Variants in MS4A13 observed in about 807,000 individuals in gnomAD.
The protein encoded by MS4A13 is membrane spanning 4-domains A13.
In MS4A13, 21 loss-of-function variants were observed where a neutral mutation model predicts 18.4. That is an observed-to-expected ratio of 1.14 (90% confidence interval 0.81 to 1.64). The LOEUF is 1.64. Ranked by LOEUF, MS4A13 falls within the 40% of genes most tolerant of loss-of-function variation. MS4A13 has a pLI of 0.00. For synonymous variants in MS4A13, 62 were observed against 57.2 expected (o/e 1.08, Z -0.38); for missense variants, 173 against 176.8 (o/e 0.98, Z 0.12).
chr11:60,538,260 C>A (rs1590881645), intron 6 of MS4A13, among the ~76,000 whole-genome samples: 1 of 150,108 alleles, frequency 6.7e-6, no homozygotes, highest in East Asian at 1.9e-4. Context: ...AGGCTGGGGG[C>A]CGATGGGGCA....
intron 3 of MS4A13, among the ~76,000 whole-genome samples, chr11:60,521,974 T>G (rs2086676805): frequency 6.6e-6 from 1 of 152,132 alleles, no homozygotes. Flanking sequence ...CTTACATGAA[T>G]GGCAGCAGGC....
intron 6 of MS4A13, among the ~76,000 whole-genome samples, chr11:60,542,224 A>ACTGG (rs2086865240): frequency 9.9e-6 from 1 of 101,074 alleles, no homozygotes; most frequent in Non-Finnish European, 2.4e-5. Context: ...GGAAAGAAAG[A>ACTGG]AAGGAAGGAA....
At chr11:60,532,863 C>T (rs1031594698) in intron 6 of MS4A13, among the ~76,000 whole-genome samples, 1 of 69,198 alleles carries the variant, frequency 1.4e-5, no homozygotes. Context: ...GGTCCCTGAC[C>T]CCTGACCCCC....
chr11:60,539,790 A>T (rs2086841736), intron 6 of MS4A13, among the ~76,000 whole-genome samples: 1 of 152,214 alleles, frequency 6.6e-6, no homozygotes, highest in Admixed American at 6.5e-5. Flanking sequence ...TGGAGGCCTG[A>T]AGGTAGTGGA....
intron 3 of MS4A13, among the ~76,000 whole-genome samples, chr11:60,520,654 C>T (rs2086667936): frequency 2.0e-5 from 3 of 152,240 alleles, no homozygotes; most frequent in Admixed American, 2.0e-4. Context: ...GGCTGCTCTA[C>T]CCCTGTGGCT....
chr11:60,524,673 T>C (rs1238855109), intron 4 of MS4A13, among the ~76,000 whole-genome samples: 1 of 150,568 alleles, frequency 6.6e-6, no homozygotes, highest in Non-Finnish European at 1.5e-5. Flanking sequence ...TTTTTTTTTT[T>C]TTTTTTTGAG....
chr11:60,522,211 G>C (rs1172265205), intron 3 of MS4A13, among the ~76,000 whole-genome samples: 1 of 40,268 alleles, frequency 2.5e-5, no homozygotes, highest in African/African-American at 5.4e-5. Flanking sequence ...TAGATAGATA[G>C]ATAGATAGAT....
At chr11:60,526,496 TATCTG>T (rs777158946) in intron 5 of MS4A13, among the ~76,000 whole-genome samples, 12 of 152,210 alleles carry the variant, frequency 7.9e-5, no homozygotes, top group Non-Finnish European at 1.6e-4. Flanking sequence ...AGTCTGTATT[TATCTG>T]ATCTGAACTC....
At chr11:60,541,936 T>C (rs2086861777) in intron 6 of MS4A13, among the ~76,000 whole-genome samples, 5 of 151,792 alleles carry the variant, frequency 3.3e-5, no homozygotes, top group African/African-American at 9.7e-5. Context: ...CCGTCTCTAC[T>C]AAAAATACAA....
chr11:60,522,578 A>G (rs2086685154), intron 3 of MS4A13, among the ~76,000 whole-genome samples: 1 of 152,196 alleles, frequency 6.6e-6, no homozygotes, highest in African/African-American at 2.4e-5. Context: ...TCACTAGAAG[A>G]AACAATGATC....
At chr11:60,540,762 C>T (rs572745936) in intron 6 of MS4A13, among the ~76,000 whole-genome samples, 31 of 152,128 alleles carry the variant, frequency 2.0e-4, no homozygotes, top group African/African-American at 7.0e-4. Context: ...GCCTGGGCAA[C>T]ATGACGAGAC....
At chr11:60,519,134 A>G (rs1361369633) in intron 3 of MS4A13, among the ~76,000 whole-genome samples, 1 of 152,198 alleles carries the variant, frequency 6.6e-6, no homozygotes, top group African/African-American at 2.4e-5. Flanking sequence ...GAGCATAGAA[A>G]GTTTATCTAG....
chr11:60,542,928 CA>C (rs955760734), downstream of MS4A13, among the ~76,000 whole-genome samples: 1 of 152,084 alleles, frequency 6.6e-6, no homozygotes, highest in Non-Finnish European at 1.5e-5. Flanking sequence ...GTATAATTCA[CA>C]GGAAAACTTT....
At chr11:60,530,993 A>G (rs1430882747) in intron 6 of MS4A13, among the ~76,000 whole-genome samples, 2 of 152,180 alleles carry the variant, frequency 1.3e-5, no homozygotes, top group Non-Finnish European at 2.9e-5. Flanking sequence ...CTGTAAGTCA[A>G]TTAAACCTCT....
Position 60,523,938 on chromosome 11 carries a change from T to C in MS4A13, c.171T>C (p.Tyr57=). 1.3e-6 allele frequency: 2 copies of C among 1,544,582 alleles called. No individual in the cohort carries two copies. Among genetic ancestry groups the C allele is most frequent in the African/African-American group, 1.3e-5 (1 of 74,096 alleles). The change falls in exon 4 of 7, where the codon TAT becomes TAC. Residue 57 remains tyrosine, a synonymous_variant. Coordinates refer to ENST00000378186, the MANE Select transcript of MS4A13 (RefSeq NM_001012417.3). Reference sequence around the variant, plus strand: ...TCTTCCTAATAAGAGTAACAAAGTATCCGACTCGATCTGGAGTAAGTTGAA... The same window carrying C: ...TCTTCCTAATAAGAGTAACAAAGTACCCGACTCGATCTGGAGTAAGTTGAA... ...AGVFLIRVTK[Y]PTRSGIISTL...
At chr11:60,524,011 A>T in intron 4 of MS4A13, 58 bp downstream of exon 4, 1 of 1,047,704 alleles carries the variant, frequency 9.5e-7, no homozygotes, top group South Asian at 1.4e-5. Flanking sequence ...CTAAATATTA[A>T]GTTTTAATGA....
intron 3 of MS4A13, among the ~76,000 whole-genome samples, chr11:60,523,147 G>T (rs761068928): frequency 5.3e-5 from 8 of 152,160 alleles, no homozygotes; most frequent in Non-Finnish European, 1.0e-4. Flanking sequence ...TGAACAAATA[G>T]ATTTAAAATT....
intron 6 of MS4A13, among the ~76,000 whole-genome samples, chr11:60,535,519 G>A (rs1322592555): frequency 7.6e-6 from 1 of 130,836 alleles, no homozygotes; most frequent in Non-Finnish European, 1.6e-5. Flanking sequence ...CTCTGAAATT[G>A]TGGCAATAAT....
chr11:60,537,968 A>C (rs2135270346), intron 6 of MS4A13, among the ~76,000 whole-genome samples: 1 of 129,086 alleles, frequency 7.7e-6, no homozygotes, highest in East Asian at 2.4e-4. Context: ...ATAGGTGGGA[A>C]TTGAACAATG....
Sources: allele counts gnomAD v4.1 joint callset (sites outside exome capture counted in the v4.1 genomes callset), GRCh38; gene constraint gnomAD v4.1.1; transcripts MANE v1.5; gene names NCBI Gene and HGNC (gene_info 2026-07-23, HGNC 2026-07-21).